DST: variants seen among roughly 807,000 people sequenced by gnomAD.
The protein encoded by DST is dystonin, also known as bullous pemphigoid antigen.
A neutral mutation model predicts 875.2 loss-of-function variants in DST; 253 were observed. That is an observed-to-expected ratio of 0.29 (90% CI 0.26 to 0.32). DST has a LOEUF of 0.32. DST is among the 10% of genes least tolerant of loss of function. The pLI is 1.00. For missense variants in DST, 8,287 were observed against 9,111.6 expected (o/e 0.91, Z 3.68); for synonymous variants, 3,124 against 3,197.1 (o/e 0.98, Z 0.77).
intron 69 of DST, among the ~76,000 whole-genome samples, chr6:56,517,901 A>G (rs920322967): frequency 6.6e-6 from 1 of 152,160 alleles, no homozygotes; most frequent in African/African-American, 2.4e-5. Flanking sequence ...GGCAGTCTTA[A>G]TAATTTGCAC....
rs536617312 is a variant in DST at position 56,803,548 on chromosome 6, G to A, written c.625+47849C>T. On this transcript the variant is annotated intron_variant, in intron 4 of 103. Transcript: ENST00000680361. ...TTGATATAATTATCAAACTTTTCACGCAATCATTTTCTGCACTGCCAGAGG... is the reference window on the plus strand; with the variant it reads ...TTGATATAATTATCAAACTTTTCACACAATCATTTTCTGCACTGCCAGAGG... 6.6e-5 allele frequency among the ~76,000 whole-genome samples: 10 copies of A among 152,112 alleles called. No homozygotes were observed. In the South Asian group the frequency reaches 1.5e-3, roughly 22 times the overall value.
At chr6:56,592,061 A>G in intron 49 of DST, 121 bp downstream of exon 49, 4 of 840,602 alleles carry the variant, frequency 4.8e-6, no homozygotes, top group South Asian at 3.3e-5. Context: ...CTCTGGAGGC[A>G]GAAGTATACT....
At chr6:56,747,190 T>C (rs1455530676) in intron 4 of DST, among the ~76,000 whole-genome samples, 2 of 152,188 alleles carry the variant, frequency 1.3e-5, no homozygotes, top group Non-Finnish European at 2.9e-5. Flanking sequence ...TTGTCATGAA[T>C]CCAGACACAG....
chr6:56,721,003 C>T (rs888742460), intron 5 of DST, among the ~76,000 whole-genome samples: 5 of 147,266 alleles, frequency 3.4e-5, no homozygotes, highest in Admixed American at 6.6e-5. Flanking sequence ...CCAGACGGGG[C>T]GGCTGCCGGG....
intron 5 of DST, among the ~76,000 whole-genome samples, chr6:56,705,073 A>G (rs1248423524): frequency 6.6e-6 from 1 of 152,212 alleles, no homozygotes; most frequent in Non-Finnish European, 1.5e-5. Context: ...TTTAGAACCC[A>G]AACCATCAAA....
At chr6:56,912,659 G>GT (rs1799266687) in intron 2 of DST, among the ~76,000 whole-genome samples, 1 of 152,226 alleles carries the variant, frequency 6.6e-6, no homozygotes, top group South Asian at 2.1e-4. Flanking sequence ...AGATCAGCAA[G>GT]TGGGGGTGGT....
At chr6:56,866,118 C>A (rs1049923472) in intron 3 of DST, among the ~76,000 whole-genome samples, 1 of 152,032 alleles carries the variant, frequency 6.6e-6, no homozygotes, top group African/African-American at 2.4e-5. Flanking sequence ...CTCAGCCTCC[C>A]GAGTAGCTGG....
At chr6:56,462,693 T>C (rs2094394564) in intron 102 of DST, among the ~76,000 whole-genome samples, 1 of 152,102 alleles carries the variant, frequency 6.6e-6, no homozygotes, top group Admixed American at 6.5e-5. Context: ...ATATCTAGTA[T>C]ATTTAGTAGC....
chr6:56,581,592 T>C (rs777348294), intron 49 of DST, among the ~76,000 whole-genome samples: 4 of 152,206 alleles, frequency 2.6e-5, no homozygotes, highest in African/African-American at 9.6e-5. Flanking sequence ...TTCCAGAAGT[T>C]TGACCCTGCA....
At chr6:56,611,649 T>G in intron 37 of DST, 53 bp from the exon 38 acceptor site, 3 of 1,248,870 alleles carry the variant, frequency 2.4e-6, no homozygotes, top group Non-Finnish European at 3.4e-6. Context: ...GAGTAAACAG[T>G]ATTTTTTTTA....
chr6:56,486,626 G>A (rs921391973), intron 87 of DST, among the ~76,000 whole-genome samples: 1 of 152,046 alleles, frequency 6.6e-6, no homozygotes, highest in Non-Finnish European at 1.5e-5. Flanking sequence ...ATCAGAAAGG[G>A]GTAGATGGAG....
At chr6:56,940,818 G>A (rs1221547232) in intron 2 of DST, among the ~76,000 whole-genome samples, 1 of 151,216 alleles carries the variant, frequency 6.6e-6, no homozygotes, top group African/African-American at 2.4e-5. Context: ...TTGAACTCCT[G>A]GGCTCAAGTG....
At chr6:56,785,067 G>T (rs2099702328) in intron 4 of DST, among the ~76,000 whole-genome samples, 1 of 152,200 alleles carries the variant, frequency 6.6e-6, no homozygotes, top group Non-Finnish European at 1.5e-5. Flanking sequence ...GAATGCTGCT[G>T]TCTGATCGTT....
chr6:56,508,454 A>G (rs925539851), intron 75 of DST, 75 bp downstream of exon 75: 1 of 1,207,274 alleles, frequency 8.3e-7, no homozygotes, highest in Non-Finnish European at 1.2e-6. Flanking sequence ...GTAACTCCTA[A>G]CATTTACCCA....
chr6:56,529,600 G>A lies in DST; in HGVS notation c.17443C>T (p.Leu5815Phe). Residue 5815 changes from leucine (L) to phenylalanine (F), a missense_variant, in exon 66 of 104, where the codon CTC becomes TTC. This residue lies in a region of DST where 777 missense variants were observed against 764.8 expected (regional missense o/e 1.02). Coordinates refer to ENST00000680361, the MANE Select transcript of DST (RefSeq NM_001374736.1). ...GCATTACATAAGGCCTGCTGGAGGA[G>A]CTCAGACCTGCTGTGACTTTTCTCT... Reference protein sequence around the residue: ...IQEKSHSRSELLQQALCNAKI... With the variant: ...IQEKSHSRSEFLQQALCNAKI... 1.2e-6 allele frequency: 2 copies of A among 1,613,736 alleles called. No individual in the cohort carries two copies. Among genetic ancestry groups the A allele is most frequent in the Non-Finnish European group, 1.7e-6 (2 of 1,179,778 alleles).
At position 56,606,057 on chromosome 6, in the gene DST, C is replaced by A. The variant is rs1344760097; in HGVS notation, c.8571G>T (p.Met2857Ile). 3 of 1,612,942 alleles carry A rather than the reference C, an allele frequency of 1.9e-6. No individual in the cohort carries two copies. Among genetic ancestry groups the A allele is most frequent in the Middle Eastern group, 1.7e-4 (1 of 6,052 alleles). ...NSDENENINT[M>I]ILLDKMHSCS... The stretch of plus-strand genomic sequence containing the variant: ...AACTGTGCATTTTATCCAGAAGAAT[C>A]ATTGTATTAATATTTTCATTTTCAT... The change falls in exon 40 of 104, where the codon ATG becomes ATT. Residue 2857 changes from methionine to isoleucine, a missense_variant. By Grantham distance (10) the Met-to-Ile change is conservative. Coordinates refer to ENST00000680361, the MANE Select transcript of DST (RefSeq NM_001374736.1).
intron 88 of DST, 34 bp from the exon 89 acceptor site, chr6:56,482,911 A>G: frequency 6.9e-7 from 1 of 1,454,680 alleles, no homozygotes; most frequent in Non-Finnish European, 9.1e-7. Context: ...ATTAATTTTA[A>G]TTACAAAACC....
intron 79 of DST, 108 bp downstream of exon 79, chr6:56,501,412 G>C: frequency 1.8e-6 from 2 of 1,134,684 alleles, no homozygotes; most frequent in Non-Finnish European, 2.4e-6. Context: ...GGTTAAAATA[G>C]AATATATGAG....
intron 9 of DST, among the ~76,000 whole-genome samples, chr6:56,682,055 G>T (rs1396022309): frequency 1.3e-5 from 2 of 152,190 alleles, no homozygotes; most frequent in East Asian, 3.8e-4. Context: ...TGTCCTACAA[G>T]TTCAAAGAGA....
Sources: gnomAD v4.1 joint callset for allele counts (sites outside exome capture counted in the v4.1 genomes callset) on GRCh38, gnomAD v4.1.1 for gene constraint, gnomAD v4.1.1 regional missense constraint, MANE v1.5 for transcripts, NCBI Gene and HGNC (gene_info 2026-07-23, HGNC 2026-07-21) for gene names.